The following NTNG1 variants were observed in gnomAD, a reference collection of about 807,000 sequenced individuals.
The protein encoded by NTNG1 is netrin-G1.
A neutral mutation model predicts 54.0 loss-of-function variants in NTNG1; 16 were observed. The ratio of observed to expected loss-of-function variants is 0.30; its 90% CI spans 0.20 to 0.45. The LOEUF (loss-of-function observed/expected upper bound fraction) is 0.45, where lower values mean the gene tolerates loss of function less well. Among genes scored for constraint, NTNG1 ranks in the 20% least tolerant of loss-of-function variants. NTNG1 has a pLI of 1.00. For missense variants in NTNG1, 530 were observed against 678.7 expected, an observed-to-expected ratio of 0.78 and a Z score of 2.43; for synonymous variants, 255 against 263.1, an observed-to-expected ratio of 0.97 and a Z score of 0.30.
At chr1:107,248,031 C>T (rs868320076) in intron 2 of NTNG1, among the ~76,000 whole-genome samples, 1 of 152,180 alleles carries the variant, frequency 6.6e-6, no homozygotes. Flanking sequence ...TCCCTTGCCA[C>T]GGTAGTAGAC....
At chr1:107,240,170 G>A (rs1337737930) in intron 2 of NTNG1, among the ~76,000 whole-genome samples, 3 of 151,798 alleles carry the variant, frequency 2.0e-5, no homozygotes, top group Non-Finnish European at 4.4e-5. Flanking sequence ...TTAAAAAAAT[G>A]TTTATATTTT....
At chr1:107,432,209 TG>T (rs1675311745) in intron 6 of NTNG1, among the ~76,000 whole-genome samples, 2 of 152,228 alleles carry the variant, frequency 1.3e-5, no homozygotes, top group African/African-American at 4.8e-5. Flanking sequence ...AAAGGATAAA[TG>T]GGATGCACAG....
chr1:107,406,400 GC>G (rs1673418783), intron 4 of NTNG1, among the ~76,000 whole-genome samples: 1 of 152,130 alleles, frequency 6.6e-6, no homozygotes, highest in African/African-American at 2.4e-5. Flanking sequence ...CCGTTTATTG[GC>G]CGCACACCAT....
chr1:107,421,565 AC>A (rs1674575747), intron 5 of NTNG1, among the ~76,000 whole-genome samples: 2 of 152,116 alleles, frequency 1.3e-5, no homozygotes, highest in Non-Finnish European at 2.9e-5. Flanking sequence ...CAAATGAAAC[AC>A]CTTGGAATTT....
chr1:107,201,246 T>C (rs1320506004), intron 2 of NTNG1, among the ~76,000 whole-genome samples: 2 of 151,806 alleles, frequency 1.3e-5, no homozygotes, highest in Non-Finnish European at 2.9e-5. Flanking sequence ...ACCAGGGAAC[T>C]TTGCCTTCCT....
intron 2 of NTNG1, among the ~76,000 whole-genome samples, chr1:107,194,420 C>A (rs1302613188): frequency 1.3e-5 from 2 of 152,010 alleles, no homozygotes; most frequent in Non-Finnish European, 2.9e-5. Flanking sequence ...TCAGTCTCCT[C>A]TTTTCTCCTA....
At chr1:107,394,028 C>T (rs562944733) in intron 3 of NTNG1, among the ~76,000 whole-genome samples, 28 of 151,960 alleles carry the variant, frequency 1.8e-4, no homozygotes, top group African/African-American at 6.3e-4. Flanking sequence ...CACACACACA[C>T]ACATAAACAC....
At chr1:107,165,058 T>A (rs113752959) in intron 2 of NTNG1, among the ~76,000 whole-genome samples, 3,263 of 152,068 alleles carry the variant, frequency 0.021, 108 homozygotes, top group African/African-American at 0.074. Context: ...ACAGAACAGG[T>A]GACTCAGGAT....
chr1:107,346,387 C>A (rs1669234411), intron 3 of NTNG1, among the ~76,000 whole-genome samples: 1 of 152,094 alleles, frequency 6.6e-6, no homozygotes. Context: ...TTGATGGCAA[C>A]CCAGATGCAG....
At chr1:107,165,303 A>G (rs1655706267) in intron 2 of NTNG1, among the ~76,000 whole-genome samples, 2 of 152,230 alleles carry the variant, frequency 1.3e-5, no homozygotes, top group Admixed American at 1.3e-4. Context: ...TTCTTTGAAG[A>G]GAAACTTGGA....
chr1:107,407,576 T>C, intron 4 of NTNG1, 106 bp from the exon 5 acceptor site: 1 of 867,032 alleles, frequency 1.2e-6, no homozygotes, highest in South Asian at 1.7e-5. Context: ...CTTAATAGTC[T>C]GAATATTATC....
intron 3 of NTNG1, among the ~76,000 whole-genome samples, chr1:107,340,720 T>C (rs575414055): frequency 1.4e-4 from 22 of 152,208 alleles, no homozygotes; most frequent in African/African-American, 5.3e-4. Flanking sequence ...TAATGAACTC[T>C]GGTTTACATA....
intron 3 of NTNG1, among the ~76,000 whole-genome samples, chr1:107,371,110 C>A (rs955706521): frequency 6.6e-6 from 1 of 151,978 alleles, no homozygotes; most frequent in South Asian, 2.1e-4. Context: ...TATAGGTGTT[C>A]GTTTATCATT....
At chr1:107,168,288 T>C (rs553674042) in intron 2 of NTNG1, among the ~76,000 whole-genome samples, 15 of 152,138 alleles carry the variant, frequency 9.9e-5, no homozygotes, top group African/African-American at 3.4e-4. Flanking sequence ...AAAATGACCT[T>C]AGCAACTAGA....
At chr1:107,257,316 G>C (rs1662995262) in intron 2 of NTNG1, among the ~76,000 whole-genome samples, 1 of 152,160 alleles carries the variant, frequency 6.6e-6, no homozygotes, top group South Asian at 2.1e-4. Context: ...CTGTAGAACA[G>C]CTAGATCTAG....
intron 2 of NTNG1, among the ~76,000 whole-genome samples, chr1:107,191,449 A>G (rs923316265): frequency 1.3e-5 from 2 of 151,858 alleles, no homozygotes; most frequent in Non-Finnish European, 1.5e-5. Context: ...CCATTTGTCA[A>G]TTGTGGCTTT....
At chr1:107,188,778 T>G (rs2101175868) in intron 2 of NTNG1, among the ~76,000 whole-genome samples, 1 of 152,232 alleles carries the variant, frequency 6.6e-6, no homozygotes, top group East Asian at 1.9e-4. Context: ...GAATTTTGCA[T>G]TAGGTTTCCT....
intron 3 of NTNG1, among the ~76,000 whole-genome samples, chr1:107,349,367 A>G (rs1036079817): frequency 1.3e-5 from 2 of 152,278 alleles, no homozygotes; most frequent in Middle Eastern, 3.4e-3. Flanking sequence ...CTATGCATAT[A>G]TGTAATTTAA....
At chr1:107,284,981 G>C (rs532120531) in intron 2 of NTNG1, among the ~76,000 whole-genome samples, 1 of 152,218 alleles carries the variant, frequency 6.6e-6, no homozygotes, top group Non-Finnish European at 1.5e-5. Context: ...ATACATCTCA[G>C]TGAATAATTT....
Sources: allele counts gnomAD v4.1 joint callset (sites outside exome capture counted in the v4.1 genomes callset), GRCh38; gene constraint gnomAD v4.1.1; transcripts MANE v1.5; gene names NCBI Gene and HGNC (gene_info 2026-07-23, HGNC 2026-07-21).